The following WDR27 variants were observed in gnomAD, a reference collection of about 807,000 sequenced individuals.
WDR27 encodes the protein WD repeat domain 27, also known as WD repeat-containing protein 27.
A neutral mutation model predicts 114.4 loss-of-function variants in WDR27; 100 were observed. The observed-to-expected ratio is 0.87, with a 90% CI of 0.74 to 1.03. WDR27 has a LOEUF of 1.03. Among genes scored for constraint, WDR27 ranks in the 50% least tolerant of loss-of-function variants. The probability of loss-of-function intolerance (pLI) is 0.00; values close to 1 mark genes in which losing one functional copy is unlikely to be tolerated. For synonymous variants in WDR27, 449 were observed against 423.1 expected (o/e 1.06, Z -0.75); for missense variants, 1,129 against 1,092.9 (o/e 1.03, Z -0.47).
chr6:169,547,368 CA>C lies in WDR27; in HGVS notation c.2645+25050del, dbSNP rs375853148. Among the ~76,000 whole-genome samples the C allele has an allele frequency of 5.3e-3, 796 of 151,504 alleles. 7 individuals are homozygous for C. Among genetic ancestry groups the C allele is most frequent in the African/African-American group, 0.018 (760 of 41,366 alleles). On this transcript the variant is annotated intron_variant, in intron 25 of 25. Coordinates refer to ENST00000448612, the MANE Select transcript of WDR27 (RefSeq NM_182552.5). ...AAAAACCAAGGACAGTAAAAAACAA[CA>C]AAAAAAAGACAACTAGAGACTAATA...
At position 169,629,419 on chromosome 6, in the gene WDR27, G is replaced by A. The variant is rs79895652; in HGVS notation, c.2223+3528C>T. ...AACCCCAGAAAGAAAAGAACAAAAA[G>A]AGAAAGAAAATAGGGATTTATAATG... On this transcript the variant is annotated intron_variant, in intron 21 of 25. Coordinates refer to ENST00000448612, the MANE Select transcript of WDR27 (RefSeq NM_182552.5). 1.9e-3 allele frequency among the ~76,000 whole-genome samples: 296 copies of A among 152,152 alleles called. 4 individuals are homozygous for A. In the East Asian group the frequency reaches 0.033, roughly 17 times the overall value.
chr6:169,489,123 G>A (rs893996967), intron 25 of WDR27, among the ~76,000 whole-genome samples: 14 of 152,014 alleles, frequency 9.2e-5, no homozygotes, highest in African/African-American at 3.1e-4. Context: ...GAGATGTTCC[G>A]TTCATTCGTG....
chr6:169,609,044 C>G (rs985535731), intron 22 of WDR27, among the ~76,000 whole-genome samples: 4 of 152,230 alleles, frequency 2.6e-5, no homozygotes, highest in Admixed American at 1.3e-4. Flanking sequence ...CCTTTGACAT[C>G]AAGTCTCACA....
chr6:169,517,525 G>T (rs1319308624), intron 25 of WDR27, among the ~76,000 whole-genome samples: 2 of 152,036 alleles, frequency 1.3e-5, no homozygotes, highest in African/African-American at 4.8e-5. Flanking sequence ...ACTAAAAGAA[G>T]TTACAACAAA....
chr6:169,499,618 A>G (rs1030344176), intron 25 of WDR27, among the ~76,000 whole-genome samples: 5 of 152,242 alleles, frequency 3.3e-5, no homozygotes, highest in African/African-American at 7.2e-5. Flanking sequence ...CGCAGTGTTG[A>G]GAAGGAAATA....
At chr6:169,579,492 G>A (rs1485881553) in intron 24 of WDR27, among the ~76,000 whole-genome samples, 2 of 152,152 alleles carry the variant, frequency 1.3e-5, no homozygotes, top group African/African-American at 4.8e-5. Context: ...GATCAAAACA[G>A]GATGTAGCAC....
intron 21 of WDR27, among the ~76,000 whole-genome samples, chr6:169,621,407 TATAC>T (rs1265965784): frequency 1.3e-5 from 2 of 151,080 alleles, no homozygotes; most frequent in African/African-American, 2.4e-5. Context: ...CACACATGCC[TATAC>T]ATACACACAC....
intron 25 of WDR27, among the ~76,000 whole-genome samples, chr6:169,535,073 C>A (rs572357830): frequency 3.3e-5 from 5 of 152,254 alleles, no homozygotes; most frequent in Admixed American, 3.3e-4. Flanking sequence ...CAGCACCAAT[C>A]CAGGATTCAA....
chr6:169,667,069 A>T, intron 6 of WDR27, 67 bp downstream of exon 6: 1 of 1,436,604 alleles, frequency 7.0e-7, no homozygotes, highest in Non-Finnish European at 9.1e-7. Flanking sequence ...TATGCCCTGT[A>T]ATATGCTCTA....
At chr6:169,433,619 C>T in the WDR27 span, among the ~76,000 whole-genome samples, 2 of 152,186 alleles carry the variant, frequency 1.3e-5, no homozygotes, top group African/African-American at 4.8e-5. Context: ...AATGGCATTG[C>T]TGGGTCAAAT....
intron 1 of WDR27, among the ~76,000 whole-genome samples, chr6:169,695,120 A>G (rs1194924018): frequency 6.6e-6 from 1 of 152,246 alleles, no homozygotes; most frequent in African/African-American, 2.4e-5. Context: ...AGAAGGGTAA[A>G]CAAAAACTTT....
At chr6:169,700,339 T>C (rs1787560919) in intron 1 of WDR27, among the ~76,000 whole-genome samples, 1 of 152,196 alleles carries the variant, frequency 6.6e-6, no homozygotes, top group Admixed American at 6.5e-5. Flanking sequence ...GTGTTCTCCA[T>C]GTGGGATCAA....
chr6:169,696,079 C>T (rs189095199), intron 1 of WDR27, among the ~76,000 whole-genome samples: 378 of 152,294 alleles, frequency 2.5e-3, no homozygotes, highest in Non-Finnish European at 3.5e-3. Context: ...AATCCATTTG[C>T]GCTGTTTTAA....
At chr6:169,484,309 T>G (rs1370553378) in intron 25 of WDR27, among the ~76,000 whole-genome samples, 1 of 152,214 alleles carries the variant, frequency 6.6e-6, no homozygotes, top group African/African-American at 2.4e-5. Flanking sequence ...CTTGATCTGA[T>G]AAACAACGTC....
intron 25 of WDR27, among the ~76,000 whole-genome samples, chr6:169,548,762 C>T (rs900885486): frequency 1.2e-4 from 18 of 152,148 alleles, no homozygotes; most frequent in Non-Finnish European, 1.2e-4. Flanking sequence ...ATACAGCCAA[C>T]AGATCTTTGA....
At position 169,528,871 on chromosome 6, in the gene WDR27, A is replaced by G. The variant is rs184595028; in HGVS notation, c.2645+43548T>C. Among the ~76,000 whole-genome samples, 10 of 152,306 alleles carry G rather than the reference A, an allele frequency of 6.6e-5. No individual in the cohort carries two copies. In the East Asian group the frequency reaches 1.5e-3, roughly 24 times the overall value. ...TGATGTAGACAAATAGTTTGCTCAC[A>G]GTCTATTAGAAGATACACATGTTGG... On this transcript the variant is annotated intron_variant, in intron 25 of 25. Coordinates refer to ENST00000448612, the MANE Select transcript of WDR27 (RefSeq NM_182552.5).
In WDR27 at chr6:169,513,230, C is replaced by T. The variant is rs1205812448; in HGVS notation, c.2646-55596G>A. Among the ~76,000 whole-genome samples the T allele has an allele frequency of 2.6e-5, 4 of 152,226 alleles. No individual in the cohort carries two copies. The East Asian group carries it at 7.7e-4, about 29-fold the overall frequency. On this transcript the variant is annotated intron_variant, in intron 25 of 25. Transcript: ENST00000448612. Reference sequence around the variant, plus strand: ...AGCATGGTGGCCTCAGTGAGGTGGGCCCCTCACAGTGCAGCTCAGTTTCCA... The same window carrying T: ...AGCATGGTGGCCTCAGTGAGGTGGGTCCCTCACAGTGCAGCTCAGTTTCCA...
At chr6:169,666,321 G>A (rs1231479345) in intron 6 of WDR27, 1 of 929,554 alleles carries the variant, frequency 1.1e-6, no homozygotes, top group African/African-American at 1.8e-5. Context: ...ATTAACCTCA[G>A]AAAGAATGTT....
intron 13 of WDR27, among the ~76,000 whole-genome samples, chr6:169,656,181 G>T (rs1824138010): frequency 6.6e-6 from 1 of 150,636 alleles, no homozygotes. Context: ...ATGCAAAAAA[G>T]GTTAAAAAAA....
Sources: allele counts gnomAD v4.1 joint callset (sites outside exome capture counted in the v4.1 genomes callset), GRCh38; gene constraint gnomAD v4.1.1; transcripts MANE v1.5; gene names NCBI Gene and HGNC (gene_info 2026-07-23, HGNC 2026-07-21).